The following CDH8 variants were observed in gnomAD, a reference collection of about 807,000 sequenced individuals.
CDH8 encodes the protein cadherin 8.
In CDH8, 17 loss-of-function variants were observed where a neutral mutation model predicts 68.1. The observed-to-expected ratio is 0.25, with a 90% CI of 0.17 to 0.37. The LOEUF (loss-of-function observed/expected upper bound fraction) is 0.37. Ranked by LOEUF, CDH8 falls within the 10% of genes least tolerant of loss-of-function variation. The pLI, the probability that CDH8 is intolerant of heterozygous loss-of-function variation, is 1.00. For synonymous variants in CDH8, 372 were observed against 365.1 expected (o/e 1.02, Z -0.21); for missense variants, 763 against 999.3 (o/e 0.76, Z 3.19).
Position 61,820,961 on chromosome 16 carries a change from C to T in CDH8, c.988G>A (p.Ala330Thr), listed in dbSNP as rs762478021. 1 of 1,612,502 alleles carries T rather than the reference C, an allele frequency of 6.2e-7. No homozygotes were observed. The highest frequency in any genetic ancestry group is 8.5e-7 in the Non-Finnish European group (1 of 1,178,984). Residue 330 changes from alanine (A) to threonine (T), a missense_variant, in exon 6 of 12, where the codon GCC becomes ACC. This residue lies in a region of CDH8 where 366 missense variants were observed against 563.1 expected (regional missense o/e 0.65). Coordinates refer to ENST00000577390, the MANE Select transcript of CDH8 (RefSeq NM_001796.5). ...GTALFEITSDAQAQDGIIRLR... is the reference protein window; with the variant it reads ...GTALFEITSDTQAQDGIIRLR... The stretch of plus-strand genomic sequence containing the variant: ...CTTATAATGCCATCCTGGGCCTGGG[C>T]ATCAGAAGTGATTTCAAAAAGTGCT...
chr16:61,916,601 T>C (rs1433411360), intron 2 of CDH8, among the ~76,000 whole-genome samples: 1 of 152,172 alleles, frequency 6.6e-6, no homozygotes, highest in Admixed American at 6.5e-5. Flanking sequence ...TCAAATTGTA[T>C]GGTCTCTTTA....
Position 61,886,768 on chromosome 16 carries a change from G to A in CDH8, c.547+14411C>T, listed in dbSNP as rs536830884. Among the ~76,000 whole-genome samples, 6 of 152,264 alleles carry A rather than the reference G, an allele frequency of 3.9e-5. No individual in the cohort carries two copies. The South Asian group carries it at 1.2e-3, about 32-fold the overall frequency. On this transcript the variant is annotated intron_variant, in intron 3 of 11. Transcript: ENST00000577390. Reference sequence around the variant, plus strand: ...CCAAGTTCACATATGTTTATGTTGAGCTACTTGGAAAGGTACTGTTTCCAC... The same window carrying A: ...CCAAGTTCACATATGTTTATGTTGAACTACTTGGAAAGGTACTGTTTCCAC...
chr16:61,761,381 A>G (rs1960463079), intron 8 of CDH8, among the ~76,000 whole-genome samples: 1 of 152,170 alleles, frequency 6.6e-6, no homozygotes. Context: ...TGCATTTCCC[A>G]GAAGATTTCT....
intron 2 of CDH8, among the ~76,000 whole-genome samples, chr16:61,939,467 A>G (rs1373735131): frequency 2.0e-5 from 3 of 152,196 alleles, no homozygotes; most frequent in Non-Finnish European, 2.9e-5. Flanking sequence ...AGTTTAATTT[A>G]TGCCATCATT....
At chr16:61,789,689 T>C (rs1481654151) in intron 7 of CDH8, among the ~76,000 whole-genome samples, 1 of 152,084 alleles carries the variant, frequency 6.6e-6, no homozygotes, top group Non-Finnish European at 1.5e-5. Context: ...TAGCTACATA[T>C]GCAACATGTA....
chr16:61,758,318 A>G (rs1449518043), intron 8 of CDH8, among the ~76,000 whole-genome samples: 4 of 152,218 alleles, frequency 2.6e-5, no homozygotes, highest in Non-Finnish European at 4.4e-5. Flanking sequence ...TTAGATTACT[A>G]TATAGCTTTT....
chr16:61,784,737 C>T (rs1310170339), intron 8 of CDH8, among the ~76,000 whole-genome samples: 1 of 150,208 alleles, frequency 6.7e-6, no homozygotes, highest in Non-Finnish European at 1.5e-5. Flanking sequence ...AACAAACTGT[C>T]TCTCAGACCA....
chr16:61,686,879 G>A (rs1964120657), intron 10 of CDH8, among the ~76,000 whole-genome samples: 1 of 151,798 alleles, frequency 6.6e-6, no homozygotes, highest in Non-Finnish European at 1.5e-5. Flanking sequence ...AGCAGAAGCT[G>A]TGCTTAAAAA....
intron 2 of CDH8, among the ~76,000 whole-genome samples, chr16:62,002,999 C>A (rs959608439): frequency 4.6e-5 from 7 of 151,954 alleles, no homozygotes; most frequent in South Asian, 2.1e-4. Context: ...TTGCAGTGAG[C>A]AGATATCGCA....
intron 2 of CDH8, among the ~76,000 whole-genome samples, chr16:61,951,961 A>G (rs1002777933): frequency 3.9e-5 from 6 of 152,240 alleles, no homozygotes; most frequent in African/African-American, 1.4e-4. Context: ...GTATAAGCTA[A>G]TAGAAAACTT....
chr16:61,746,556 A>ACACACACAC (rs1960027163), intron 8 of CDH8, among the ~76,000 whole-genome samples: 2 of 140,110 alleles, frequency 1.4e-5, no homozygotes, highest in African/African-American at 2.6e-5. Flanking sequence ...ATTCCCCCCC[A>ACACACACAC]ACACACACAC....
intron 8 of CDH8, among the ~76,000 whole-genome samples, chr16:61,788,148 C>T (rs1041461773): frequency 1.1e-4 from 16 of 151,418 alleles, no homozygotes; most frequent in Middle Eastern, 3.4e-3. Context: ...TTCACACAAG[C>T]GTTCTTTTTA....
At chr16:61,746,788 C>T (rs1393879472) in intron 8 of CDH8, among the ~76,000 whole-genome samples, 6 of 152,096 alleles carry the variant, frequency 3.9e-5, no homozygotes, top group Non-Finnish European at 8.8e-5. Flanking sequence ...GATGCTCTGG[C>T]TACAAAGCCA....
At chr16:61,767,501 A>C (rs1567460660) in intron 8 of CDH8, among the ~76,000 whole-genome samples, 1 of 151,906 alleles carries the variant, frequency 6.6e-6, no homozygotes, top group Non-Finnish European at 1.5e-5. Flanking sequence ...GTAAAGAATA[A>C]AGAATCAGTG....
intron 2 of CDH8, among the ~76,000 whole-genome samples, chr16:61,955,234 A>G (rs565380252): frequency 2.5e-4 from 38 of 152,342 alleles, no homozygotes; most frequent in African/African-American, 8.7e-4. Context: ...AGTCAACCTA[A>G]AGATTTCTCT....
chr16:61,829,925 A>C (rs1047494002), intron 4 of CDH8, among the ~76,000 whole-genome samples: 6 of 151,766 alleles, frequency 4.0e-5, no homozygotes, highest in African/African-American at 1.5e-4. Context: ...GGAAACCACA[A>C]TTGTCCTGGA....
intron 8 of CDH8, among the ~76,000 whole-genome samples, chr16:61,745,444 A>G (rs76635060): frequency 0.015 from 2,314 of 152,016 alleles, 35 homozygotes; most frequent in Non-Finnish European, 0.02. Flanking sequence ...CAAATATTGC[A>G]TCTTCTCTGG....
At chr16:61,793,026 G>A (rs187011400) in intron 7 of CDH8, among the ~76,000 whole-genome samples, 1 of 151,920 alleles carries the variant, frequency 6.6e-6, no homozygotes, top group East Asian at 1.9e-4. Context: ...TTAGAAGGTG[G>A]GGCTTTCAGG....
chr16:61,964,326 C>T (rs190624939), intron 2 of CDH8, among the ~76,000 whole-genome samples: 51 of 152,252 alleles, frequency 3.3e-4, no homozygotes, highest in Admixed American at 1.3e-3. Flanking sequence ...GTTCAGGGCA[C>T]CAGGTGGGAA....
Sources: gnomAD v4.1 joint callset for allele counts (sites outside exome capture counted in the v4.1 genomes callset) on GRCh38, gnomAD v4.1.1 for gene constraint, gnomAD v4.1.1 regional missense constraint, MANE v1.5 for transcripts, NCBI Gene and HGNC (gene_info 2026-07-23, HGNC 2026-07-21) for gene names.